MATR3: variants seen among roughly 807,000 people sequenced by gnomAD.
MATR3 encodes the protein matrin-3.
MATR3 carries 4 observed loss-of-function variants against 85.5 expected under a neutral mutation model. The observed-to-expected ratio is 0.05, with a 90% CI of 0.02 to 0.11. The LOEUF (loss-of-function observed/expected upper bound fraction) is 0.11. Among genes scored for constraint, MATR3 ranks in the 10% least tolerant of loss-of-function variants. The pLI, the probability that MATR3 is intolerant of heterozygous loss-of-function variation, is 1.00. For synonymous variants in MATR3, 336 were observed against 343.1 expected, an observed-to-expected ratio of 0.98 and a Z score of 0.23; for missense variants, 685 against 1,016.1, an observed-to-expected ratio of 0.67 and a Z score of 4.43.
rs116660718 is a variant in MATR3 at position 139,330,482 on chromosome 5, G to C, written c.*1087G>C. ...TGGTTTTTATTCGCTCTTAAACTTTGTGCATGCTTTAACAATTTATTACTT... is the reference window on the plus strand; with the variant it reads ...TGGTTTTTATTCGCTCTTAAACTTTCTGCATGCTTTAACAATTTATTACTT... On this transcript the variant is annotated 3_prime_UTR_variant, in exon 15 of 15. Coordinates refer to ENST00000394805, the MANE Select transcript of MATR3 (RefSeq NM_018834.6). 2.1e-3 allele frequency: 936 copies of C among 454,226 alleles called. 9 individuals carry two copies. The highest frequency in any genetic ancestry group is 0.017 in the African/African-American group (872 of 50,120). The allele number at this position is 454,226 out of a possible 1,614,324, so 28.1% of individuals were successfully genotyped here.
chr5:139,319,888 T>TTAA (rs1425336363), intron 9 of MATR3, among the ~76,000 whole-genome samples: 1 of 106,380 alleles, frequency 9.4e-6, no homozygotes, highest in Non-Finnish European at 1.8e-5. Flanking sequence ...TTTTTTTTTT[T>TTAA]AAAGTATATC....
intron 12 of MATR3, among the ~76,000 whole-genome samples, chr5:139,323,243 G>A (rs1169510644): frequency 6.6e-6 from 1 of 152,056 alleles, no homozygotes; most frequent in African/African-American, 2.4e-5. Context: ...GTATTGTAGT[G>A]GTGTAGTGGT....
intron 1 of MATR3, among the ~76,000 whole-genome samples, chr5:139,300,979 C>T (rs1484881348): frequency 6.6e-6 from 1 of 151,418 alleles, no homozygotes; most frequent in Non-Finnish European, 1.5e-5. Context: ...ACACCTGGCT[C>T]TTTTTTGTAT....
chr5:139,316,928 T>C, intron 5 of MATR3, 125 bp from the exon 6 acceptor site: 1 of 755,438 alleles, frequency 1.3e-6, no homozygotes, highest in East Asian at 2.7e-5. Flanking sequence ...GCATGAAAAG[T>C]GATGGTAATC....
intron 14 of MATR3, among the ~76,000 whole-genome samples, chr5:139,327,925 A>G (rs1755942244): frequency 6.6e-6 from 1 of 151,974 alleles, no homozygotes; most frequent in Non-Finnish European, 1.5e-5. Context: ...GCAATGGCAC[A>G]ATCTCAGCTC....
chr5:139,331,199 T>C lies in MATR3; in HGVS notation c.*1804T>C, dbSNP rs1270029317. ...AGGATACTTCAAATAGTTGGCTAAA[T>C]TTTATGATCTCTCCCGTTGAAAAGT... On this transcript the variant is annotated 3_prime_UTR_variant, in exon 15 of 15. Coordinates refer to ENST00000394805, the MANE Select transcript of MATR3 (RefSeq NM_018834.6). 6.6e-6 allele frequency: 3 copies of C among 454,024 alleles called. No individual in the cohort carries two copies. Among genetic ancestry groups the C allele is most frequent in the Non-Finnish European group, 1.3e-5 (3 of 226,806 alleles). The allele number at this position is 454,024 out of a possible 1,614,324, so 28.1% of individuals were successfully genotyped here. A position where few individuals can be genotyped will look rare whatever the true frequency, so the allele number is the denominator to read the frequency against.
intron 14 of MATR3, 105 bp downstream of exon 14, chr5:139,326,389 C>A: frequency 1.9e-6 from 2 of 1,037,140 alleles, no homozygotes; most frequent in Non-Finnish European, 2.9e-6. Flanking sequence ...AGACTCAGTG[C>A]AGTGCTTTCT....
chr5:139,313,185 TTATATTCCAAA>T (rs1755080079), intron 2 of MATR3: 1 of 152,166 alleles, frequency 6.6e-6, no homozygotes, highest in African/African-American at 2.4e-5. Flanking sequence ...TGACCATGTT[TTATATTCCAAA>T]TATAATTGTA....
intron 1 of MATR3, chr5:139,294,033 G>C (rs2151916264): frequency 3.1e-6 from 4 of 1,278,122 alleles, no homozygotes; most frequent in Non-Finnish European, 3.0e-6. Context: ...GCGGAGGTGA[G>C]CGGTCCGGGA....
At chr5:139,308,447 T>G in intron 2 of MATR3, 120 bp downstream of exon 2, 1 of 1,171,030 alleles carries the variant, frequency 8.5e-7, no homozygotes, top group South Asian at 1.2e-5. Context: ...TTTAAACTTT[T>G]GAGAACACTT....
chr5:139,318,746 CTTTTG>C (rs925567749), intron 7 of MATR3, among the ~76,000 whole-genome samples, 157 bp from the exon 8 acceptor site: 2 of 152,090 alleles, frequency 1.3e-5, no homozygotes, highest in African/African-American at 4.8e-5. Flanking sequence ...GGCCCAGCCT[CTTTTG>C]TTTTGTATTT....
Position 139,324,635 on chromosome 5 carries a change from C to T in MATR3, c.2149-805C>T, listed in dbSNP as rs371593440. ...AGCCATTACACTGTTTGAGTATTTG[C>T]TCTAAAGAGTAGGTATTTGCAGTAT... On this transcript the variant is annotated intron_variant, in intron 12 of 14. Coordinates refer to ENST00000394805, the MANE Select transcript of MATR3 (RefSeq NM_018834.6). Among the ~76,000 whole-genome samples, 7 of 152,148 alleles carry T rather than the reference C, an allele frequency of 4.6e-5. No individual in the cohort carries two copies. The East Asian group carries it at 1.4e-3, about 29-fold the overall frequency.
intron 1 of MATR3, among the ~76,000 whole-genome samples, chr5:139,305,591 G>A (rs570084118): frequency 3.9e-5 from 6 of 152,236 alleles, no homozygotes; most frequent in East Asian, 1.9e-4. Flanking sequence ...CATCTCAGCC[G>A]CCATTCTGTC....
chr5:139,317,550 G>T, intron 6 of MATR3, 46 bp from the exon 7 acceptor site: 1 of 1,603,148 alleles, frequency 6.2e-7, no homozygotes, highest in Non-Finnish European at 8.5e-7. Flanking sequence ...GTTTCATATT[G>T]CTTTAAAGAG....
intron 9 of MATR3, among the ~76,000 whole-genome samples, chr5:139,320,157 A>C (rs867015688): frequency 4.6e-5 from 7 of 151,448 alleles, no homozygotes; most frequent in Non-Finnish European, 5.9e-5. Context: ...AAATACAAAA[A>C]AATTAGCTGG....
chr5:139,313,172 G>A (rs140311631), intron 2 of MATR3: 2 of 151,762 alleles, frequency 1.3e-5, no homozygotes, highest in African/African-American at 2.4e-5. Context: ...AAAACACATC[G>A]CCTGACCATG....
At chr5:139,278,291 T>A (rs2151858962) in intron 2 of MATR3, 1 of 453,950 alleles carries the variant, frequency 2.2e-6, no homozygotes, top group Admixed American at 2.4e-5. Context: ...ATATTCTGTG[T>A]ACTAGATCAC....
At chr5:139,322,246 TAAG>T (rs1372852865) in intron 10 of MATR3, among the ~76,000 whole-genome samples, 1 of 152,246 alleles carries the variant, frequency 6.6e-6, no homozygotes, top group African/African-American at 2.4e-5. Flanking sequence ...CTTATCTGTT[TAAG>T]TTTTTCATAG....
Position 139,314,670 on chromosome 5 carries a change from T to C in MATR3, c.913-5T>C. 2 of 1,567,744 alleles carry C rather than the reference T, an allele frequency of 1.3e-6. No individual in the cohort carries two copies. Among genetic ancestry groups the C allele is most frequent in the Non-Finnish European group, 1.8e-6 (2 of 1,140,650 alleles). ...TGTTAATTCTACTAATTTACTTTGC[T>C]GCAGGAGTGGAGTCAACATATCAAT... On this transcript the variant is annotated splice_polypyrimidine_tract_variant and splice_region_variant and intron_variant, in intron 2 of 14. Coordinates refer to ENST00000394805, the MANE Select transcript of MATR3 (RefSeq NM_018834.6).
Sources: allele counts gnomAD v4.1 joint callset (sites outside exome capture counted in the v4.1 genomes callset), GRCh38; gene constraint gnomAD v4.1.1; transcripts MANE v1.5; gene names NCBI Gene and HGNC (gene_info 2026-07-23, HGNC 2026-07-21).